The following REEP5 variants were observed in gnomAD, a reference collection of about 807,000 sequenced individuals.
The protein encoded by REEP5 is receptor expression-enhancing protein 5.
Under a neutral mutation model 22.4 loss-of-function variants are expected in REEP5, and 24 were observed. The observed-to-expected ratio is 1.07, with a 90% confidence interval of 0.78 to 1.51. The LOEUF (loss-of-function observed/expected upper bound fraction) is 1.51, where lower values mean the gene tolerates loss of function less well. REEP5 is among the 40% of genes most tolerant of loss of function. REEP5 has a pLI of 0.00. For synonymous variants in REEP5, 103 were observed against 88.6 expected (o/e 1.16, Z -0.92); for missense variants, 252 against 233.0 (o/e 1.08, Z -0.53).
chr5:112,917,525 A>G (rs1336793455), intron 2 of REEP5, among the ~76,000 whole-genome samples: 1 of 152,214 alleles, frequency 6.6e-6, no homozygotes, highest in Non-Finnish European at 1.5e-5. Flanking sequence ...GTAGGACAGA[A>G]AGCAAACCTT....
intron 3 of REEP5, chr5:112,892,862 G>C: frequency 1.2e-6 from 2 of 1,613,388 alleles, no homozygotes; most frequent in African/African-American, 1.3e-5. Flanking sequence ...AGTAGTCATA[G>C]GGGGAAGAAA....
At chr5:112,882,214 G>A (rs1238304809) in intron 4 of REEP5, among the ~76,000 whole-genome samples, 1 of 152,026 alleles carries the variant, frequency 6.6e-6, no homozygotes, top group Admixed American at 6.6e-5. Flanking sequence ...CAGGATCCCT[G>A]TTAGTACCAA....
intron 3 of REEP5, chr5:112,892,366 G>C (rs779357335): frequency 2.5e-6 from 4 of 1,614,142 alleles, no homozygotes; most frequent in South Asian, 2.2e-5. Flanking sequence ...ACAGTTCCTA[G>C]ATTTCTATGA....
At position 112,878,616 on chromosome 5, in the gene REEP5, ATAT is replaced by A. The variant is rs1767968552; in HGVS notation, c.*167_*169del. 9.3e-6 allele frequency: 9 copies of A among 968,494 alleles called. No individual in the cohort carries two copies. The highest frequency in any genetic ancestry group is 5.9e-5 in the Admixed American group (2 of 33,764). 60.0% of individuals were successfully genotyped at this position (968,494 alleles called of 1,614,324 possible). The stretch of plus-strand genomic sequence containing the variant: ...ATTAAGTTTAAAGTGCTCCCTATAT[ATAT>A]AGACAGTAAAAGTAAGCAAAGAAAC... On this transcript the variant is annotated 3_prime_UTR_variant, in exon 5 of 5. Coordinates refer to ENST00000379638, the MANE Select transcript of REEP5 (RefSeq NM_005669.5).
intron 3 of REEP5, chr5:112,892,622 G>A (rs1487022132): frequency 5.0e-6 from 8 of 1,613,972 alleles, no homozygotes; most frequent in Non-Finnish European, 6.8e-6. Flanking sequence ...TGTCCAAGAG[G>A]AAAACACTGC....
At chr5:112,879,643 T>G (rs1228247348) in intron 4 of REEP5, among the ~76,000 whole-genome samples, 1 of 151,888 alleles carries the variant, frequency 6.6e-6, no homozygotes, top group African/African-American at 2.4e-5. Flanking sequence ...CCAGCTAATT[T>G]TTTTTTGTAT....
At chr5:112,901,784 C>A (rs1580746838) in intron 3 of REEP5, among the ~76,000 whole-genome samples, 3 of 149,184 alleles carry the variant, frequency 2.0e-5, no homozygotes, top group African/African-American at 7.4e-5. Context: ...TTTAAAAAAA[C>A]CAACCCTGTC....
rs575207653 is a variant in REEP5, at chr5:112,898,827, C to CA, written c.351+3552dup. On this transcript the variant is annotated intron_variant, in intron 3 of 4. Transcript: ENST00000379638. Reference sequence around the variant, plus strand: ...GTTAAATGACTTTGAATAATAAAAACAAAAAAATCCAATCTTTGAAATCAA... The same window carrying CA: ...GTTAAATGACTTTGAATAATAAAAACAAAAAAAATCCAATCTTTGAAATCAA... Among the ~76,000 whole-genome samples the CA allele has an allele frequency of 4.1e-3, 624 of 152,044 alleles. 4 individuals carry two copies. The highest frequency in any genetic ancestry group is 0.014 in the African/African-American group (580 of 41,504).
At chr5:112,902,989 C>A (rs1210370436) in intron 2 of REEP5, among the ~76,000 whole-genome samples, 2 of 152,102 alleles carry the variant, frequency 1.3e-5, no homozygotes, top group East Asian at 3.9e-4. Context: ...TAGGTACTGC[C>A]CAAAATCCAC....
chr5:112,892,586 T>C lies in REEP5; in HGVS notation c.352-5403A>G, dbSNP rs1469604071. ...CCAGTGACCCGGTGGAAAATGGCGA[T>C]TTGTGGTTTATTTGAAATACAACAA... is the stretch of plus-strand genomic sequence containing the variant. On this transcript the variant is annotated intron_variant, in intron 3 of 4. Transcript: ENST00000379638. 8 of 1,614,132 alleles carry C rather than the reference T, an allele frequency of 5.0e-6. No homozygotes were observed. In the South Asian group the frequency reaches 8.8e-5, roughly 18 times the overall value.
At chr5:112,884,692 T>G (rs780297671) in intron 4 of REEP5, among the ~76,000 whole-genome samples, 1 of 151,784 alleles carries the variant, frequency 6.6e-6, no homozygotes, top group South Asian at 2.1e-4. Context: ...ATTCCTTTAC[T>G]ACTATTGAGT....
intron 3 of REEP5, among the ~76,000 whole-genome samples, chr5:112,901,474 C>T (rs1411091583): frequency 6.6e-6 from 1 of 151,680 alleles, no homozygotes; most frequent in Admixed American, 6.6e-5. Context: ...TTTGGGAGGC[C>T]GAGGTGGGTG....
At chr5:112,903,743 G>A (rs1260785515) in intron 2 of REEP5, among the ~76,000 whole-genome samples, 1 of 152,098 alleles carries the variant, frequency 6.6e-6, no homozygotes, top group Non-Finnish European at 1.5e-5. Context: ...AACCAAAAGG[G>A]GAAAAATTGT....
chr5:112,917,358 A>C (rs904465758), intron 2 of REEP5, among the ~76,000 whole-genome samples: 3 of 152,226 alleles, frequency 2.0e-5, no homozygotes, highest in African/African-American at 7.2e-5. Flanking sequence ...CTGAATTGTC[A>C]TTTTAAAACT....
chr5:112,907,271 C>T (rs469727), intron 2 of REEP5, among the ~76,000 whole-genome samples: 56,276 of 151,986 alleles, frequency 0.37, 10,829 homozygotes, highest in African/African-American at 0.47. Flanking sequence ...CCGCCTCATC[C>T]TCTGGCAGTC....
At chr5:112,901,930 T>C (rs1483342834) in intron 3 of REEP5, among the ~76,000 whole-genome samples, 2 of 146,200 alleles carry the variant, frequency 1.4e-5, no homozygotes, top group Non-Finnish European at 3.0e-5. Flanking sequence ...GCCACTGCAC[T>C]CTAGCCTGGG....
intron 3 of REEP5, among the ~76,000 whole-genome samples, chr5:112,900,682 G>T (rs974548144): frequency 6.6e-6 from 1 of 151,890 alleles, no homozygotes; most frequent in African/African-American, 2.4e-5. Context: ...TGTGCCTGGG[G>T]CCCCCCACTC....
At chr5:112,921,981 T>G (rs941207685) in intron 1 of REEP5, 92 bp downstream of exon 1, 28 of 1,443,706 alleles carry the variant, frequency 1.9e-5, no homozygotes, top group Non-Finnish European at 2.3e-5. Context: ...GACTCCACCT[T>G]TCCCGAGTCC....
At chr5:112,921,439 T>A (rs1769363166) in intron 1 of REEP5, 183 bp from the exon 2 acceptor site, 5 of 630,412 alleles carry the variant, frequency 7.9e-6, no homozygotes, top group South Asian at 7.4e-5. Context: ...TGCCTTGAAG[T>A]CTGGGGATAC....
Sources: allele counts gnomAD v4.1 joint callset (sites outside exome capture counted in the v4.1 genomes callset), GRCh38; gene constraint gnomAD v4.1.1; transcripts MANE v1.5; gene names NCBI Gene and HGNC (gene_info 2026-07-23, HGNC 2026-07-21).